The following FBN1 variants were observed in gnomAD, a reference collection of about 807,000 sequenced individuals.
The protein encoded by FBN1 is fibrillin-1.
In FBN1, 29 loss-of-function variants were observed where a neutral mutation model predicts 365.1. The ratio of observed to expected loss-of-function variants is 0.08; its 90% CI spans 0.06 to 0.11. The LOEUF (loss-of-function observed/expected upper bound fraction) is 0.11. FBN1 is among the 10% of genes least tolerant of loss of function. The pLI is 1.00. For missense variants in FBN1, 2,476 were observed against 3,703.2 expected, an observed-to-expected ratio of 0.67 and a Z score of 8.60; for synonymous variants, 1,210 against 1,270.5, an observed-to-expected ratio of 0.95 and a Z score of 1.01.
At chr15:48,598,064 C>T (rs1357161963) in intron 5 of FBN1, among the ~76,000 whole-genome samples, 1 of 152,184 alleles carries the variant, frequency 6.6e-6, no homozygotes, top group Non-Finnish European at 1.5e-5. Flanking sequence ...TCTTCCTGCT[C>T]CTGTTTTGTC....
chr15:48,558,117 T>A (rs1234765366), intron 6 of FBN1, among the ~76,000 whole-genome samples: 1 of 152,188 alleles, frequency 6.6e-6, no homozygotes, highest in Non-Finnish European at 1.5e-5. Flanking sequence ...CCTCTCCCTA[T>A]TTGAGGTCTC....
intron 63 of FBN1, among the ~76,000 whole-genome samples, chr15:48,418,277 C>G (rs1369516808): frequency 1.3e-5 from 2 of 152,154 alleles, no homozygotes; most frequent in African/African-American, 4.8e-5. Flanking sequence ...AGAGAGAAGG[C>G]TAGATCTCTA....
At chr15:48,596,178 T>C in intron 6 of FBN1, 105 bp downstream of exon 6, 3 of 1,012,472 alleles carry the variant, frequency 3.0e-6, no homozygotes, top group Non-Finnish European at 4.6e-6. Context: ...CCCTCAAAGC[T>C]CAGCAACATT....
intron 24 of FBN1, among the ~76,000 whole-genome samples, chr15:48,491,451 T>C (rs1350354170): frequency 6.6e-6 from 1 of 151,906 alleles, no homozygotes; most frequent in Non-Finnish European, 1.5e-5. Context: ...CCCGGGTTCA[T>C]GCCATTCTCC....
At chr15:48,602,814 G>C (rs2044577737) in intron 4 of FBN1, among the ~76,000 whole-genome samples, 1 of 152,100 alleles carries the variant, frequency 6.6e-6, no homozygotes, top group South Asian at 2.1e-4. Flanking sequence ...ATTCTAAGTA[G>C]GTCATGAAAA....
intron 2 of FBN1, among the ~76,000 whole-genome samples, chr15:48,627,145 C>CT (rs1422873058): frequency 1.3e-5 from 2 of 152,124 alleles, no homozygotes; most frequent in Non-Finnish European, 2.9e-5. Flanking sequence ...AATGTATTCT[C>CT]TTTTTTGTAT....
chr15:48,411,646 G>A (rs549873304), intron 65 of FBN1, among the ~76,000 whole-genome samples: 1 of 152,344 alleles, frequency 6.6e-6, no homozygotes, highest in South Asian at 2.1e-4. Flanking sequence ...TGAACAAGCT[G>A]CATCAGCATC....
At chr15:48,595,936 A>T (rs893485025) in intron 6 of FBN1, among the ~76,000 whole-genome samples, 2 of 152,180 alleles carry the variant, frequency 1.3e-5, no homozygotes, top group African/African-American at 4.8e-5. Flanking sequence ...AGACCACTTA[A>T]TTCACTGGCA....
chr15:48,550,518 T>C (rs2044133251), intron 6 of FBN1, among the ~76,000 whole-genome samples: 1 of 152,144 alleles, frequency 6.6e-6, no homozygotes, highest in South Asian at 2.1e-4. Flanking sequence ...ACTGCTTTAG[T>C]GTAGACCCTC....
In FBN1 at chr15:48,644,642, T is replaced by G. The variant is rs766081333; in HGVS notation, c.128A>C (p.Lys43Thr). 6.2e-7 allele frequency: 1 copy of G among 1,614,008 alleles called. No individual in the cohort carries two copies. Among genetic ancestry groups the G allele is most frequent in the Admixed American group, 1.7e-5 (1 of 60,020 alleles). The change falls in exon 2 of 66, where the codon AAG (lysine) becomes ACG (threonine). Residue 43 changes from lysine to threonine, a missense_variant. Physicochemically the swap from Lys to Thr is moderately conservative, Grantham distance 78. Coordinates refer to ENST00000316623, the MANE Select transcript of FBN1 (RefSeq NM_000138.5). ...NVKETRASRA[K>T]RRGGGGHDAL... ...GTCGTGTCCTCCACCGCCTCTTCTC[T>G]TGGCCCGACTGGCTCTGGTTTCCTT...
intron 6 of FBN1, among the ~76,000 whole-genome samples, chr15:48,589,319 A>G (rs2044458889): frequency 1.3e-5 from 2 of 152,172 alleles, no homozygotes; most frequent in Non-Finnish European, 2.9e-5. Flanking sequence ...AGGGACAGTG[A>G]GTGGGAGACA....
chr15:48,433,014 A>T, intron 54 of FBN1, 26 bp from the exon 55 acceptor site: 1 of 1,612,606 alleles, frequency 6.2e-7, no homozygotes. Flanking sequence ...GTAAGTAAAT[A>T]AGGGATCATG....
chr15:48,475,397 T>C (rs2141280925), intron 32 of FBN1, among the ~76,000 whole-genome samples: 1 of 152,312 alleles, frequency 6.6e-6, no homozygotes, highest in Non-Finnish European at 1.5e-5. Flanking sequence ...TTTTCCAAAA[T>C]GCTCTATTCT....
chr15:48,501,708 C>T (rs2043659633), intron 17 of FBN1, among the ~76,000 whole-genome samples: 1 of 152,162 alleles, frequency 6.6e-6, no homozygotes, highest in African/African-American at 2.4e-5. Flanking sequence ...TTGGCTCTTC[C>T]AATCATTCAA....
chr15:48,612,980 T>A, intron 3 of FBN1, 30 bp downstream of exon 3: 1 of 1,532,534 alleles, frequency 6.5e-7, no homozygotes. Context: ...AAGAAGGACA[T>A]GCAGAATGAC....
At position 48,495,107 on chromosome 15, in the gene FBN1, C is replaced by T; in HGVS notation, c.2677+16G>A. 6.2e-7 allele frequency: 1 copy of T among 1,613,972 alleles called. No homozygotes were observed. The highest frequency in any genetic ancestry group is 8.5e-7 in the Non-Finnish European group (1 of 1,179,910). Reference sequence around the variant, plus strand: ...CATTGGAGTGGTATAGGAACCACAGCATGGGTTTCTCTTACCAACTTGGCA... The same window carrying T: ...CATTGGAGTGGTATAGGAACCACAGTATGGGTTTCTCTTACCAACTTGGCA... On this transcript the variant is annotated intron_variant, in intron 22 of 65. Transcript: ENST00000316623.
intron 16 of FBN1, 149 bp downstream of exon 16, chr15:48,504,876 C>A: frequency 1.9e-6 from 2 of 1,040,918 alleles, no homozygotes; most frequent in Non-Finnish European, 2.9e-6. Context: ...TCAATTTACA[C>A]AAAAAGAGAA....
intron 60 of FBN1, 23 bp downstream of exon 60, chr15:48,425,346 G>A (rs1371405523): frequency 2.5e-6 from 4 of 1,613,836 alleles, no homozygotes; most frequent in African/African-American, 1.3e-5. Flanking sequence ...CTAGGTGAGG[G>A]GCAATGGTCA....
chr15:48,488,296 G>C (rs1241802455), intron 26 of FBN1, 55 bp from the exon 27 acceptor site: 1 of 1,613,016 alleles, frequency 6.2e-7, no homozygotes, highest in Non-Finnish European at 8.5e-7. Flanking sequence ...CTTAATTCTT[G>C]CGACAATATG....
Sources: allele counts gnomAD v4.1 joint callset (sites outside exome capture counted in the v4.1 genomes callset), GRCh38; gene constraint gnomAD v4.1.1; transcripts MANE v1.5; gene names NCBI Gene and HGNC (gene_info 2026-07-23, HGNC 2026-07-21).